Variants in GART observed in about 807,000 individuals in gnomAD.
GART encodes phosphoribosylglycinamide formyltransferase, phosphoribosylglycinamide synthetase, phosphoribosylaminoimidazole synthetase.
Under a neutral mutation model 107.2 loss-of-function variants are expected in GART, and 43 were observed. The observed-to-expected ratio is 0.40, with a 90% CI of 0.31 to 0.52. The LOEUF (loss-of-function observed/expected upper bound fraction) is 0.52, where lower values mean the gene tolerates loss of function less well. GART is among the 20% of genes least tolerant of loss of function. The pLI, the probability that GART is intolerant of heterozygous loss-of-function variation, is 0.52. For missense variants in GART, 1,107 were observed against 1,206.5 expected, an observed-to-expected ratio of 0.92 and a Z score of 1.22; for synonymous variants, 434 against 427.0, an observed-to-expected ratio of 1.02 and a Z score of -0.20.
rs1601170387 is a variant in GART at position 33,507,786 on chromosome 21, T to C, written c.2453-1682A>G. On this transcript the variant is annotated intron_variant, in intron 18 of 21. Coordinates refer to ENST00000381815, the MANE Select transcript of GART (RefSeq NM_000819.5). The stretch of plus-strand genomic sequence containing the variant: ...GGCGGAGTTTGCAGTGAGCCGAGTC[T>C]GCGCCACTGCACTCCAGCCTGGGCG... Among the ~76,000 whole-genome samples, 3 of 152,204 alleles carry C rather than the reference T, an allele frequency of 2.0e-5. No homozygotes were observed. In the South Asian group the frequency reaches 6.2e-4, roughly 32 times the overall value.
At chr21:33,518,785 C>A (rs774738352) in intron 14 of GART, 1 of 488,250 alleles carries the variant, frequency 2.0e-6, no homozygotes, top group Non-Finnish European at 4.0e-6. Context: ...ACTATTTGGG[C>A]AGAGCTTCAG....
chr21:33,515,283 TTCAAA>T (rs2084853710), intron 16 of GART, among the ~76,000 whole-genome samples: 1 of 152,190 alleles, frequency 6.6e-6, no homozygotes. Context: ...TTTCTACTCC[TTCAAA>T]TCAATGTGTA....
intron 20 of GART, among the ~76,000 whole-genome samples, chr21:33,505,129 T>G (rs538521385): frequency 6.6e-6 from 1 of 152,352 alleles, no homozygotes; most frequent in Admixed American, 6.5e-5. Context: ...AACCTCCTCC[T>G]TGCCAACTCC....
In GART at chr21:33,532,346, T is replaced by C; in HGVS notation, c.527A>G (p.Gln176Arg). The change falls in exon 5 of 22, where the codon CAG (glutamine) becomes CGG (arginine). Residue 176 changes from glutamine (Q) to arginine (R), a missense_variant and splice_region_variant. Coordinates refer to ENST00000381815, the MANE Select transcript of GART (RefSeq NM_000819.5). ...ATTTTTTCAGAAGACCCAGCCTACCTGCATGATCTCTTGTACAGCTTTGCA... is the reference window on the plus strand; with the variant it reads ...ATTTTTTCAGAAGACCCAGCCTACCCGCATGATCTCTTGTACAGCTTTGCA... ...EACKAVQEIM[Q>R]EKAFGAAGET... 4 of 1,611,226 alleles carry C rather than the reference T, an allele frequency of 2.5e-6. No individual in the cohort carries two copies. Among genetic ancestry groups the C allele is most frequent in the East Asian group, 2.2e-5 (1 of 44,868 alleles).
chr21:33,542,555 G>A (rs1374076261), upstream of GART: 2 of 155,792 alleles, frequency 1.3e-5, no homozygotes, highest in African/African-American at 4.8e-5. Context: ...CACTGGGGAA[G>A]ACACAGGGCA....
chr21:33,531,740 A>G, intron 5 of GART, 183 bp from the exon 6 acceptor site: 1 of 585,146 alleles, frequency 1.7e-6, no homozygotes, highest in South Asian at 2.4e-5. Flanking sequence ...TTAATGTGGC[A>G]ATAGTGTAGC....
chr21:33,521,631 CAAAAAAAA>C (rs571421187), intron 12 of GART, among the ~76,000 whole-genome samples: 1 of 54,442 alleles, frequency 1.8e-5, no homozygotes. Flanking sequence ...GACTTTGTCT[CAAAAAAAA>C]AAAAAAAAAA....
At chr21:33,530,270 C>G (rs1363736529) in intron 7 of GART, among the ~76,000 whole-genome samples, 2 of 152,210 alleles carry the variant, frequency 1.3e-5, no homozygotes, top group East Asian at 3.8e-4. Flanking sequence ...AAGATCAGAA[C>G]AAATTCTGAT....
intron 12 of GART, among the ~76,000 whole-genome samples, chr21:33,521,540 G>C (rs529704316): frequency 1.3e-5 from 2 of 150,826 alleles, no homozygotes; most frequent in East Asian, 3.9e-4. Context: ...GCTGAGGCAG[G>C]AGAATGGCGT....
intron 10 of GART, 150 bp downstream of exon 10, chr21:33,528,017 T>A: frequency 3.1e-6 from 2 of 636,172 alleles, no homozygotes; most frequent in Non-Finnish European, 5.5e-6. Context: ...TGAACACACA[T>A]ATCCAATAAG....
intron 20 of GART, 24 bp from the exon 21 acceptor site, chr21:33,504,551 G>A: frequency 6.6e-7 from 1 of 1,521,922 alleles, no homozygotes; most frequent in Non-Finnish European, 9.1e-7. Context: ...AAAGCATAGT[G>A]GTCAGAATTT....
At chr21:33,535,623 A>G (rs182604823) in intron 2 of GART, among the ~76,000 whole-genome samples, 55 of 152,340 alleles carry the variant, frequency 3.6e-4, no homozygotes, top group African/African-American at 1.3e-3. Context: ...TATTGACTGT[A>G]TATTAAACAA....
intron 16 of GART, among the ~76,000 whole-genome samples, chr21:33,513,803 G>A (rs2084831502): frequency 6.6e-6 from 1 of 152,178 alleles, no homozygotes; most frequent in African/African-American, 2.4e-5. Context: ...AAGACAAGGA[G>A]ATAGTGATGA....
In GART at chr21:33,530,764, G is replaced by A. The variant is rs200011544; in HGVS notation, c.718C>T (p.Pro240Ser). ...TGGMGAYCPAPQVSNDLLLKI... is the reference protein window; with the variant it reads ...TGGMGAYCPASQVSNDLLLKI... ...GCAGAGTCTTCGGGAAGTACCTGAG[G>A]GGCTGGACAATAGGCTCCCATTCCC... Residue 240 changes from proline to serine, a missense_variant, in exon 7 of 22, where the codon CCT (proline) becomes TCT (serine). By Grantham distance (74) the Pro-to-Ser change is moderately conservative (BLOSUM62 -1). Coordinates refer to ENST00000381815, the MANE Select transcript of GART (RefSeq NM_000819.5). 2.7e-6 allele frequency: 4 copies of A among 1,481,970 alleles called. No individual in the cohort carries two copies. The highest frequency in any genetic ancestry group is 2.7e-5 in the East Asian group (1 of 37,370). 91.8% of individuals were successfully genotyped at this position (1,481,970 alleles called of 1,614,324 possible). A position where few individuals can be genotyped will look rare whatever the true frequency, so the allele number is the denominator to read the frequency against.
chr21:33,520,216 C>T (rs2084944934), intron 14 of GART, 148 bp downstream of exon 14: 1 of 672,684 alleles, frequency 1.5e-6, no homozygotes, highest in African/African-American at 1.8e-5. Flanking sequence ...GGTAGTTTTA[C>T]CTATATTTCA....
At chr21:33,535,745 C>T (rs554124306) in intron 2 of GART, among the ~76,000 whole-genome samples, 17 of 152,242 alleles carry the variant, frequency 1.1e-4, no homozygotes, top group African/African-American at 3.4e-4. Flanking sequence ...GATGTCAACA[C>T]GGCGGGGCGC....
At chr21:33,519,864 C>T (rs2084939688) in intron 14 of GART, among the ~76,000 whole-genome samples, 1 of 151,126 alleles carries the variant, frequency 6.6e-6, no homozygotes, top group Non-Finnish European at 1.5e-5. Flanking sequence ...TTATTTTGTT[C>T]CTTGATCAAC....
Position 33,530,699 on chromosome 21 carries a change from T to G in GART, c.723+60A>C, listed in dbSNP as rs1601217087. On this transcript the variant is annotated intron_variant, in intron 7 of 21. Coordinates refer to ENST00000381815, the MANE Select transcript of GART (RefSeq NM_000819.5). ...ACAAAACAAAATAGAAAGTATCATCTAAGAGTTCTCTGAGAAAACCAAACT... is the reference window on the plus strand; with the variant it reads ...ACAAAACAAAATAGAAAGTATCATCGAAGAGTTCTCTGAGAAAACCAAACT... 4 of 1,334,464 alleles carry G rather than the reference T, an allele frequency of 3.0e-6. No homozygotes were observed. In the East Asian group the frequency reaches 8.4e-5, roughly 28 times the overall value. 82.7% of individuals were successfully genotyped at this position (1,334,464 alleles called of 1,614,324 possible).
chr21:33,505,468 G>A lies in GART; in HGVS notation c.2725+93C>T. Reference sequence around the variant, plus strand: ...AAACAGGAGTTGGATTTCTGGGATGGGTGTTCACTACTGGGATTGTTTGGC... The same window carrying A: ...AAACAGGAGTTGGATTTCTGGGATGAGTGTTCACTACTGGGATTGTTTGGC... On this transcript the variant is annotated intron_variant, in intron 20 of 21. Transcript: ENST00000381815. The A allele has an allele frequency of 5.0e-6, 5 of 1,000,398 alleles. No individual in the cohort carries two copies. The East Asian group carries it at 1.3e-4, about 26-fold the overall frequency. 62.0% of individuals were successfully genotyped at this position (1,000,398 alleles called of 1,614,324 possible). A position where few individuals can be genotyped will look rare whatever the true frequency, so the allele number is the denominator to read the frequency against.
Sources: allele counts gnomAD v4.1 joint callset (sites outside exome capture counted in the v4.1 genomes callset), GRCh38; gene constraint gnomAD v4.1.1; transcripts MANE v1.5; gene names NCBI Gene and HGNC (gene_info 2026-07-23, HGNC 2026-07-21).